The following DEPDC5 variants were observed in gnomAD, a reference collection of about 807,000 sequenced individuals.
DEPDC5 encodes GATOR1 complex protein DEPDC5.
DEPDC5 carries 73 observed loss-of-function variants against 217.3 expected under a neutral mutation model. That is an observed-to-expected ratio of 0.34 (90% CI 0.28 to 0.41). The LOEUF (loss-of-function observed/expected upper bound fraction) is 0.41. Ranked by LOEUF, DEPDC5 falls within the 10% of genes least tolerant of loss-of-function variation. DEPDC5 has a pLI of 1.00. For missense variants in DEPDC5, 1,675 were observed against 2,070.1 expected (o/e 0.81, Z 3.70); for synonymous variants, 733 against 756.7 (o/e 0.97, Z 0.51).
chr22:31,801,649 A>G (rs570356658), intron 14 of DEPDC5, among the ~76,000 whole-genome samples: 1 of 152,302 alleles, frequency 6.6e-6, no homozygotes, highest in South Asian at 2.1e-4. Context: ...TGAGAGCCAT[A>G]TTTCAGCTTC....
intron 39 of DEPDC5, among the ~76,000 whole-genome samples, chr22:31,895,694 GT>G (rs928025693): frequency 5.9e-4 from 86 of 145,550 alleles, no homozygotes; most frequent in African/African-American, 1.1e-3. Flanking sequence ...GAGCCAGCAG[GT>G]TTTTTTTTTT....
At chr22:31,847,674 C>CATCCCATGACACGTGGGG (rs1436228170) in intron 31 of DEPDC5, among the ~76,000 whole-genome samples, 1 of 152,140 alleles carries the variant, frequency 6.6e-6, no homozygotes, top group African/African-American at 2.4e-5. Flanking sequence ...CCACCTGGAC[C>CATCCCATGACACGTGGGG]ATCCCATGAC....
intron 33 of DEPDC5, 82 bp from the exon 34 acceptor site, chr22:31,870,508 G>A (rs1411351788): frequency 2.2e-6 from 3 of 1,340,492 alleles, no homozygotes; most frequent in African/African-American, 3.0e-5. Flanking sequence ...CTTACTGAGT[G>A]AATAAGCCAG....
intron 24 of DEPDC5, among the ~76,000 whole-genome samples, chr22:31,825,424 T>G (rs1031290316): frequency 6.6e-6 from 1 of 152,226 alleles, no homozygotes; most frequent in African/African-American, 2.4e-5. Context: ...AAGCATTTGC[T>G]GCAACCTGAA....
chr22:31,886,214 A>G (rs551666733), intron 38 of DEPDC5, among the ~76,000 whole-genome samples: 25 of 151,940 alleles, frequency 1.6e-4, no homozygotes, highest in Admixed American at 4.6e-4. Flanking sequence ...TGTAGAGACA[A>G]TCTCTCTCTG....
chr22:31,755,004 G>A (rs2075198465), intron 2 of DEPDC5, 25 bp downstream of exon 2: 2 of 1,613,962 alleles, frequency 1.2e-6, no homozygotes, highest in Non-Finnish European at 1.7e-6. Flanking sequence ...GTCTTTAGAG[G>A]TTTTGTAAGT....
rs547417098 is a variant in DEPDC5, at chr22:31,813,421, G to A, written c.1446-1571G>A. Among the ~76,000 whole-genome samples, 30 of 152,290 alleles carry A rather than the reference G, an allele frequency of 2.0e-4. 1 individual carries two copies. In the South Asian group the frequency reaches 5.8e-3, roughly 29 times the overall value. On this transcript the variant is annotated intron_variant, in intron 20 of 42. Transcript: ENST00000651528. ...TTCACACATGGCTAAGCGTATACTG[G>A]TGTTTAAATATTTACTGTGGAAAGA...
chr22:31,826,436 T>G, intron 24 of DEPDC5: 1 of 421,498 alleles, frequency 2.4e-6, no homozygotes, highest in Non-Finnish European at 4.7e-6. Context: ...CAGGCATTTC[T>G]TGTGCTCCTC....
chr22:31,797,884 G>A (rs2086433335), intron 13 of DEPDC5, among the ~76,000 whole-genome samples, 181 bp downstream of exon 13: 1 of 151,306 alleles, frequency 6.6e-6, no homozygotes, highest in Non-Finnish European at 1.5e-5. Flanking sequence ...GTTCAACAGT[G>A]TCCCTAATAC....
chr22:31,803,241 C>T (rs2087076937), intron 15 of DEPDC5, among the ~76,000 whole-genome samples: 3 of 151,688 alleles, frequency 2.0e-5, no homozygotes, highest in Non-Finnish European at 4.4e-5. Flanking sequence ...GACGGAGTCT[C>T]GCTCTGTCTC....
rs1245333762 is a variant in DEPDC5, at chr22:31,873,163, G to A, written c.3486-92G>A. On this transcript the variant is annotated intron_variant, in intron 34 of 42. Transcript: ENST00000651528. ...AGTGTCAACATTGTCCTGGTTTCTG[G>A]CTCCATAGGAAGTGGAGACTGTTCC... 3.1e-6 allele frequency: 5 copies of A among 1,603,080 alleles called. No homozygotes were observed. In the African/African-American group the frequency reaches 6.7e-5, roughly 21 times the overall value.
intron 21 of DEPDC5, chr22:31,815,768 G>A: frequency 8.3e-7 from 1 of 1,202,954 alleles, no homozygotes; most frequent in Middle Eastern, 3.1e-4. Context: ...TGGACTCGAG[G>A]GATCCACCCA....
chr22:31,793,792 A>G lies in DEPDC5; in HGVS notation c.767+975A>G, dbSNP rs887831976. 4.6e-5 allele frequency among the ~76,000 whole-genome samples: 7 copies of G among 152,088 alleles called. No individual in the cohort carries two copies. The South Asian group carries it at 8.3e-4, about 18-fold the overall frequency. ...CGCCATGTTGGCCAGCCTGGTCTCA[A>G]ATCCTGACCTCAGCTGATCCACCCA... On this transcript the variant is annotated intron_variant, in intron 12 of 42. Coordinates refer to ENST00000651528, the MANE Select transcript of DEPDC5 (RefSeq NM_001242896.3).
Position 31,905,980 on chromosome 22 carries a change from C to G in DEPDC5, c.4437-4C>G, listed in dbSNP as rs2093751040. ...GATTAGCATGTCTTCCTGTCCTTCC[C>G]TAGGTTTGGGTTTGTACAAGATAAA... On this transcript the variant is annotated splice_region_variant and splice_polypyrimidine_tract_variant and intron_variant, in intron 41 of 42. Coordinates refer to ENST00000651528, the MANE Select transcript of DEPDC5 (RefSeq NM_001242896.3). The G allele has an allele frequency of 1.9e-6, 3 of 1,613,752 alleles. No homozygotes were observed. Among genetic ancestry groups the G allele is most frequent in the Admixed American group, 1.7e-5 (1 of 59,970 alleles).
Position 31,771,780 on chromosome 22 carries a change from C to CAG in DEPDC5, c.413+2918_413+2919dup, listed in dbSNP as rs1556539137. Among the ~76,000 whole-genome samples the CAG allele has an allele frequency of 2.6e-3, 351 of 135,638 alleles. 7 individuals are homozygous for CAG. The highest frequency in any genetic ancestry group is 8.9e-3 in the African/African-American group (323 of 36,206). 89.0% of individuals were successfully genotyped at this position (135,638 alleles called of 152,430 possible). ...ACACACACACACACACACACACACA[C>CAG]AGTTAGGACTAGGTGCAGTGGCTCA... On this transcript the variant is annotated intron_variant, in intron 7 of 42. Transcript: ENST00000651528.
intron 31 of DEPDC5, among the ~76,000 whole-genome samples, chr22:31,849,162 T>C (rs1277726922): frequency 1.3e-5 from 2 of 152,148 alleles, no homozygotes; most frequent in African/African-American, 4.8e-5. Flanking sequence ...TTTCCTGTCT[T>C]CTTCTGAGCA....
intron 22 of DEPDC5, among the ~76,000 whole-genome samples, chr22:31,820,364 G>A (rs1206860637): frequency 1.3e-5 from 2 of 152,034 alleles, no homozygotes; most frequent in African/African-American, 2.4e-5. Context: ...CACCCACCCC[G>A]GCTTCCCAGT....
At chr22:31,785,114 A>G in intron 10 of DEPDC5, 1 of 415,290 alleles carries the variant, frequency 2.4e-6, no homozygotes, top group Non-Finnish European at 4.3e-6. Context: ...CAAGGTAAGT[A>G]TGCTTGCTTT....
chr22:31,879,880 T>C (rs1164155814), intron 38 of DEPDC5, 128 bp downstream of exon 38: 56 of 915,068 alleles, frequency 6.1e-5, no homozygotes, highest in Non-Finnish European at 8.6e-5. Context: ...CACAGGCCAC[T>C]GTGTCTGTCG....
Sources: gnomAD v4.1 joint callset for allele counts (sites outside exome capture counted in the v4.1 genomes callset) on GRCh38, gnomAD v4.1.1 for gene constraint, MANE v1.5 for transcripts, NCBI Gene and HGNC (gene_info 2026-07-23, HGNC 2026-07-21) for gene names.